The following PLPPR4 variants were observed in gnomAD, a reference collection of about 807,000 sequenced individuals.
PLPPR4 encodes the protein phospholipid phosphatase related 4, also known as phospholipid phosphatase-related protein type 4.
A neutral mutation model predicts 56.6 loss-of-function variants in PLPPR4; 24 were observed. That is an observed-to-expected ratio of 0.42 (90% CI 0.31 to 0.60). PLPPR4 has a LOEUF of 0.60. PLPPR4 is among the 20% of genes least tolerant of loss of function. PLPPR4 has a pLI of 0.13. For missense variants in PLPPR4, 654 were observed against 885.8 expected (o/e 0.74, Z 3.32); for synonymous variants, 326 against 328.1 (o/e 0.99, Z 0.07).
rs1414096312 is a variant in PLPPR4 at position 99,299,977 on chromosome 1, C to G, written c.590+747C>G. 3.9e-5 allele frequency among the ~76,000 whole-genome samples: 6 copies of G among 151,938 alleles called. 1 individual carries two copies. Among genetic ancestry groups the G allele is most frequent in the Admixed American group, 3.9e-4 (6 of 15,218 alleles). On this transcript the variant is annotated intron_variant, in intron 4 of 6. Coordinates refer to ENST00000370185, the MANE Select transcript of PLPPR4 (RefSeq NM_014839.5). Reference sequence around the variant, plus strand: ...TTGAATTTTCCATTCAATAAGTTGCCAAATATTGACTAAAGAGTCAAAAAT... The same window carrying G: ...TTGAATTTTCCATTCAATAAGTTGCGAAATATTGACTAAAGAGTCAAAAAT...
At position 99,307,802 on chromosome 1, in the gene PLPPR4, TAGTG is replaced by T. The variant is rs990661124; in HGVS notation, c.*796_*799del. 5.3e-5 allele frequency: 8 copies of T among 152,210 alleles called. No homozygotes were observed. The highest frequency in any genetic ancestry group is 1.9e-4 in the African/African-American group (8 of 41,466). The allele number at this position is 152,210 out of a possible 1,614,324, so 9.4% of individuals were successfully genotyped here. A position where few individuals can be genotyped will look rare whatever the true frequency, so the allele number is the denominator to read the frequency against. ...GGTACTGCTAATGAATCTGTTTTCTTAGTGAGTAAATTTGCATAATTTTATAAAT... is the reference window on the plus strand; with the variant it reads ...GGTACTGCTAATGAATCTGTTTTCTTAGTAAATTTGCATAATTTTATAAAT... On this transcript the variant is annotated 3_prime_UTR_variant, in exon 7 of 7. Transcript: ENST00000370185.
intron 1 of PLPPR4, among the ~76,000 whole-genome samples, chr1:99,287,117 T>C (rs1659484378): frequency 6.6e-6 from 1 of 152,158 alleles, no homozygotes; most frequent in African/African-American, 2.4e-5. Context: ...AAACTCCCAG[T>C]TATGAATGAG....
intron 1 of PLPPR4, among the ~76,000 whole-genome samples, chr1:99,278,691 T>C (rs562233198): frequency 6.6e-6 from 1 of 152,304 alleles, no homozygotes; most frequent in Non-Finnish European, 1.5e-5. Context: ...CAAAACCAAC[T>C]ACCCCAAGCC....
intron 1 of PLPPR4, among the ~76,000 whole-genome samples, chr1:99,284,213 G>A: frequency 6.6e-6 from 1 of 152,058 alleles, no homozygotes; most frequent in East Asian, 1.9e-4. Flanking sequence ...CTGTTGTTGA[G>A]CATTTCAAAA....
chr1:99,307,846 T>C lies in PLPPR4; in HGVS notation c.*836T>C, dbSNP rs1481368734. On this transcript the variant is annotated 3_prime_UTR_variant, in exon 7 of 7. Coordinates refer to ENST00000370185, the MANE Select transcript of PLPPR4 (RefSeq NM_014839.5). ...ATTTTATAAATATTATTTTAGAGAA[T>C]CTTTTGAAATTGTTGTGATCATATT... 1 of 152,198 alleles carries C rather than the reference T, an allele frequency of 6.6e-6. No individual in the cohort carries two copies. The highest frequency in any genetic ancestry group is 1.5e-5 in the Non-Finnish European group (1 of 68,026). 9.4% of individuals were successfully genotyped at this position (152,198 alleles called of 1,614,324 possible). A position where few individuals can be genotyped will look rare whatever the true frequency, so the allele number is the denominator to read the frequency against.
intron 2 of PLPPR4, among the ~76,000 whole-genome samples, chr1:99,289,456 T>A (rs2100799608): frequency 6.6e-6 from 1 of 152,246 alleles, no homozygotes; most frequent in South Asian, 2.1e-4. Flanking sequence ...TTTATCATAT[T>A]TGAAAGGTCT....
At position 99,306,791 on chromosome 1, in the gene PLPPR4, T is replaced by C. The variant is rs1455295303; in HGVS notation, c.1929T>C (p.Asp643=). The change falls in exon 7 of 7, where the codon GAT becomes GAC. Residue 643 remains aspartate (D), a synonymous_variant. Transcript: ENST00000370185. The surrounding 1 kb of genome is among the most constrained non-coding windows in gnomAD (Gnocchi z 4.0). The part of the protein sequence containing the change: ...GSGDRKRSNI[D]SNEHHHHGIT... ...GAGATCGCAAGAGAAGCAACATTGA[T>C]AGCAATGAGCATCACCACCACGGAA... 1 of 1,613,964 alleles carries C rather than the reference T, an allele frequency of 6.2e-7. No individual in the cohort carries two copies. The highest frequency in any genetic ancestry group is 2.2e-5 in the East Asian group (1 of 44,826).
intron 2 of PLPPR4, 133 bp from the exon 3 acceptor site, chr1:99,296,605 C>A: frequency 1.4e-6 from 1 of 716,164 alleles, no homozygotes; most frequent in Non-Finnish European, 2.1e-6. Context: ...TGTGCCTCTA[C>A]AGCTTTTAAG....
Position 99,296,820 on chromosome 1 carries a change from G to A in PLPPR4, c.347G>A (p.Gly116Glu), listed in dbSNP as rs1326925162. Reference sequence around the variant, plus strand: ...GGACTAGAGCCCAACATTAATGCTGGAGGCTGCAACTTCAATTCCTTCCTC... The same window carrying A: ...GGACTAGAGCCCAACATTAATGCTGAAGGCTGCAACTTCAATTCCTTCCTC... ...GVGLEPNINA[G>E]GCNFNSFLRR... Residue 116 changes from glycine to glutamate, a missense_variant, in exon 3 of 7, where the codon GGA becomes GAA. Around this residue, in one of 2 missense-constraint regions of PLPPR4, gnomAD observed 186 missense variants for 331.4 expected, o/e 0.56. Transcript: ENST00000370185. The A allele has an allele frequency of 6.3e-7, 1 of 1,599,434 alleles. No homozygotes were observed. The highest frequency in any genetic ancestry group is 1.7e-5 in the Admixed American group (1 of 59,782).
intron 2 of PLPPR4, 151 bp downstream of exon 2, chr1:99,288,301 G>T: frequency 1.7e-6 from 1 of 596,456 alleles, no homozygotes; most frequent in Non-Finnish European, 2.8e-6. Context: ...GTATCATGTG[G>T]AAGTTAATAG....
At chr1:99,272,228 T>A (rs956002328) in intron 1 of PLPPR4, among the ~76,000 whole-genome samples, 1 of 151,988 alleles carries the variant, frequency 6.6e-6, no homozygotes, top group African/African-American at 2.4e-5. Flanking sequence ...TCCAAGAACA[T>A]ATGGCCTCAC....
Position 99,306,067 on chromosome 1 carries a change from A to G in PLPPR4, c.1205A>G (p.Gln402Arg). 6.2e-7 allele frequency: 1 copy of G among 1,614,134 alleles called. No individual in the cohort carries two copies. Among genetic ancestry groups the G allele is most frequent in the South Asian group, 1.1e-5 (1 of 91,084 alleles). Residue 402 changes from glutamine to arginine, a missense_variant, in exon 7 of 7, where the codon CAG becomes CGG. This residue lies in a region of PLPPR4 where 468 missense variants were observed against 554.3 expected (regional missense o/e 0.84). Coordinates refer to ENST00000370185, the MANE Select transcript of PLPPR4 (RefSeq NM_014839.5). The surrounding 1 kb of genome is among the most constrained non-coding windows in gnomAD (Gnocchi z 4.0). ...GCTCGATCAAAGCAGCTCCTCACCC[A>G]GTGGAAGAATAAGAATGAAAGTCGA... ...DSARSKQLLT[Q>R]WKNKNESRKL...
intron 6 of PLPPR4, among the ~76,000 whole-genome samples, chr1:99,302,452 C>T (rs1397151000): frequency 6.6e-5 from 10 of 151,922 alleles, no homozygotes; most frequent in Non-Finnish European, 2.9e-5. Flanking sequence ...AATATCTATT[C>T]CGTGCCAGGG....
chr1:99,294,558 T>G (rs1048252010), intron 2 of PLPPR4, among the ~76,000 whole-genome samples: 47 of 151,974 alleles, frequency 3.1e-4, no homozygotes, highest in Non-Finnish European at 5.9e-5. Context: ...CAGCCAACCT[T>G]GGTGGTGCAT....
At chr1:99,287,011 T>C (rs1328226929) in intron 1 of PLPPR4, among the ~76,000 whole-genome samples, 1 of 152,104 alleles carries the variant, frequency 6.6e-6, no homozygotes, top group Non-Finnish European at 1.5e-5. Flanking sequence ...CTGCACCTAT[T>C]GACCTGTCTT....
Position 99,296,689 on chromosome 1 carries a change from A to C in PLPPR4, c.265-49A>C, listed in dbSNP as rs773382296. On this transcript the variant is annotated intron_variant, in intron 2 of 6. Transcript: ENST00000370185. ...ATAATTCCTTTATACCTGTTGGCTT[A>C]ATAGGTATTCCAACATGCCTCTTCC... is the stretch of plus-strand genomic sequence containing the variant. 14 of 1,495,560 alleles carry C rather than the reference A, an allele frequency of 9.4e-6. No homozygotes were observed. In the African/African-American group the frequency reaches 1.7e-4, roughly 18 times the overall value. The allele number at this position is 1,495,560 out of a possible 1,614,324, so 92.6% of individuals were successfully genotyped here. A position where few individuals can be genotyped will look rare whatever the true frequency, so the allele number is the denominator to read the frequency against.
chr1:99,271,778 G>C (rs1453208215), intron 1 of PLPPR4, among the ~76,000 whole-genome samples: 1 of 151,982 alleles, frequency 6.6e-6, no homozygotes, highest in Non-Finnish European at 1.5e-5. Flanking sequence ...TAGGAGAGTA[G>C]AATATGTAGG....
At chr1:99,297,408 C>A (rs1013567922) in intron 3 of PLPPR4, among the ~76,000 whole-genome samples, 1 of 152,094 alleles carries the variant, frequency 6.6e-6, no homozygotes, top group Non-Finnish European at 1.5e-5. Flanking sequence ...ATAGACCTGG[C>A]TACCAGCATC....
At chr1:99,300,508 A>G (rs951284982) in intron 4 of PLPPR4, among the ~76,000 whole-genome samples, 7 of 152,090 alleles carry the variant, frequency 4.6e-5, no homozygotes, top group African/African-American at 1.7e-4. Context: ...TAAATAAAAC[A>G]ATGTGTTTAG....
Sources: allele counts gnomAD v4.1 joint callset (sites outside exome capture counted in the v4.1 genomes callset), GRCh38; gene constraint gnomAD v4.1.1; regional missense constraint gnomAD v4.1.1; non-coding constraint Gnocchi (gnomAD v3.1); transcripts MANE v1.5; gene names NCBI Gene and HGNC (gene_info 2026-07-23, HGNC 2026-07-21).